The following ZNF804B variants were observed in gnomAD, a reference collection of about 807,000 sequenced individuals.
ZNF804B encodes the protein zinc finger protein 804B, also known as zinc finger 804B.
In ZNF804B, 80 loss-of-function variants were observed where a neutral mutation model predicts 101.4. The ratio of observed to expected loss-of-function variants is 0.79; its 90% CI spans 0.66 to 0.95. ZNF804B has a LOEUF of 0.95. Ranked by LOEUF, ZNF804B falls within the 40% of genes least tolerant of loss-of-function variation. The pLI, the probability that ZNF804B is intolerant of heterozygous loss-of-function variation, is 0.00. For missense variants in ZNF804B, 1,673 were observed against 1,561.9 expected (o/e 1.07, Z -1.20); for synonymous variants, 622 against 558.8 (o/e 1.11, Z -1.59).
chr7:89,045,684 T>G (rs2116255961), intron 1 of ZNF804B, among the ~76,000 whole-genome samples: 1 of 152,322 alleles, frequency 6.6e-6, no homozygotes, highest in South Asian at 2.1e-4. Context: ...CTCCTTTATT[T>G]TGGCCATTTC....
intron 1 of ZNF804B, among the ~76,000 whole-genome samples, chr7:89,151,882 C>T (rs995011121): frequency 3.9e-5 from 6 of 152,044 alleles, no homozygotes; most frequent in African/African-American, 1.4e-4. Context: ...CTGAGGGTCA[C>T]ATGATAAGAT....
intron 2 of ZNF804B, among the ~76,000 whole-genome samples, chr7:89,316,718 C>T (rs908021112): frequency 1.3e-5 from 2 of 152,124 alleles, no homozygotes; most frequent in African/African-American, 4.8e-5. Flanking sequence ...TAATGATGGA[C>T]TAGTTGAGAA....
chr7:88,945,886 C>A (rs564320589), intron 1 of ZNF804B, among the ~76,000 whole-genome samples: 5 of 151,682 alleles, frequency 3.3e-5, no homozygotes, highest in Non-Finnish European at 7.4e-5. Flanking sequence ...TTTGGCTCTC[C>A]GTTTGTCTAT....
At chr7:89,132,765 C>T (rs1305210573) in intron 1 of ZNF804B, among the ~76,000 whole-genome samples, 1 of 151,940 alleles carries the variant, frequency 6.6e-6, no homozygotes, top group African/African-American at 2.4e-5. Context: ...AGAATGAAGC[C>T]AAATTATGTA....
chr7:88,970,344 G>GCCCCC (rs3034350), intron 1 of ZNF804B, among the ~76,000 whole-genome samples: 2 of 144,176 alleles, frequency 1.4e-5, no homozygotes, highest in African/African-American at 2.5e-5. Context: ...TTATTCTGAT[G>GCCCCC]CCCCCCCCCC....
intron 1 of ZNF804B, among the ~76,000 whole-genome samples, chr7:88,804,197 G>A (rs1320277659): frequency 2.0e-5 from 3 of 152,040 alleles, no homozygotes; most frequent in Non-Finnish European, 2.9e-5. Context: ...TCAGAGGGTC[G>A]ACCACTCCTC....
At chr7:89,258,118 A>T in intron 2 of ZNF804B, among the ~76,000 whole-genome samples, 1 of 151,990 alleles carries the variant, frequency 6.6e-6, no homozygotes, top group Non-Finnish European at 1.5e-5. Context: ...TAATATAAAT[A>T]AAATATAGTA....
chr7:89,165,785 T>G (rs1791132704), intron 1 of ZNF804B, among the ~76,000 whole-genome samples: 1 of 152,090 alleles, frequency 6.6e-6, no homozygotes, highest in Non-Finnish European at 1.5e-5. Flanking sequence ...TCAACTTTTC[T>G]TAGGAACTAG....
chr7:89,244,936 G>A (rs1475265488), intron 2 of ZNF804B, among the ~76,000 whole-genome samples: 2 of 152,076 alleles, frequency 1.3e-5, no homozygotes, highest in Non-Finnish European at 2.9e-5. Flanking sequence ...AATTGTGTCA[G>A]GCAACTTACA....
intron 1 of ZNF804B, among the ~76,000 whole-genome samples, chr7:89,041,071 C>G (rs1789009802): frequency 6.6e-6 from 1 of 152,034 alleles, no homozygotes; most frequent in African/African-American, 2.4e-5. Context: ...GTCCATGGAG[C>G]CTTGGTCCTT....
intron 1 of ZNF804B, among the ~76,000 whole-genome samples, chr7:88,809,305 AT>A (rs1790740826): frequency 2.6e-3 from 1 of 382 alleles, no homozygotes; most frequent in Non-Finnish European, 5.3e-3. Context: ...ATTGCTTGTC[AT>A]CTATCTATCT....
chr7:88,839,862 A>T (rs993160735), intron 1 of ZNF804B, among the ~76,000 whole-genome samples: 1 of 152,110 alleles, frequency 6.6e-6, no homozygotes, highest in African/African-American at 2.4e-5. Context: ...CAAATAATCT[A>T]TACATAGCAC....
chr7:89,253,042 GA>G (rs139620426), intron 2 of ZNF804B, among the ~76,000 whole-genome samples: 6,173 of 151,856 alleles, frequency 0.041, 134 homozygotes, highest in Non-Finnish European at 0.049. Flanking sequence ...TTATTAAAAA[GA>G]AAAAGTTAAC....
intron 1 of ZNF804B, among the ~76,000 whole-genome samples, chr7:88,782,363 C>T (rs1259108194): frequency 1.3e-5 from 2 of 152,066 alleles, no homozygotes; most frequent in African/African-American, 2.4e-5. Context: ...CACTGTTAAA[C>T]ACTGATAGTT....
intron 1 of ZNF804B, among the ~76,000 whole-genome samples, chr7:88,990,569 T>C (rs906538323): frequency 6.6e-6 from 1 of 152,120 alleles, no homozygotes; most frequent in Non-Finnish European, 1.5e-5. Context: ...CTGACGTTAA[T>C]GTTCAAAACA....
chr7:88,993,047 A>G (rs953497292), intron 1 of ZNF804B, among the ~76,000 whole-genome samples: 2 of 152,038 alleles, frequency 1.3e-5, no homozygotes, highest in Non-Finnish European at 2.9e-5. Flanking sequence ...GCAGCACAAC[A>G]TAAGAAAATG....
At chr7:89,203,310 T>C in intron 1 of ZNF804B, among the ~76,000 whole-genome samples, 1 of 152,134 alleles carries the variant, frequency 6.6e-6, no homozygotes, top group East Asian at 1.9e-4. Context: ...TAAATGCAGG[T>C]ATATGTGCAT....
intron 1 of ZNF804B, among the ~76,000 whole-genome samples, chr7:88,863,654 G>A (rs995842760): frequency 6.6e-6 from 1 of 152,206 alleles, no homozygotes; most frequent in African/African-American, 2.4e-5. Context: ...ACAAAGCAGA[G>A]AGGGACAAGT....
intron 1 of ZNF804B, among the ~76,000 whole-genome samples, chr7:88,821,559 G>T (rs1028422554): frequency 6.6e-6 from 1 of 152,118 alleles, no homozygotes; most frequent in Non-Finnish European, 1.5e-5. Context: ...CTTTGGCCAC[G>T]TGCAAGGTTA....
Sources: gnomAD v4.1 joint callset for allele counts (sites outside exome capture counted in the v4.1 genomes callset) on GRCh38, gnomAD v4.1.1 for gene constraint, MANE v1.5 for transcripts, NCBI Gene and HGNC (gene_info 2026-07-23, HGNC 2026-07-21) for gene names.